Variants in APOL3 observed in about 807,000 individuals in gnomAD.
APOL3 encodes the protein TNF-inducible protein CG12-1.
APOL3 carries 14 observed loss-of-function variants against 11.6 expected under a neutral mutation model. The ratio of observed to expected loss-of-function variants is 1.21; its 90% confidence interval spans 0.80 to 1.89. The LOEUF (loss-of-function observed/expected upper bound fraction) is 1.89. Ranked by LOEUF, APOL3 falls within the 40% of genes most tolerant of loss-of-function variation. APOL3 has a pLI of 0.00. For synonymous variants in APOL3, 192 were observed against 190.6 expected, an observed-to-expected ratio of 1.01 and a Z score of -0.06; for missense variants, 483 against 492.1, an observed-to-expected ratio of 0.98 and a Z score of 0.17.
intron 2 of APOL3, among the ~76,000 whole-genome samples, chr22:36,142,613 T>G (rs1051977508): frequency 2.0e-5 from 3 of 152,142 alleles, no homozygotes; most frequent in Non-Finnish European, 2.9e-5. Flanking sequence ...GGTGATGGGT[T>G]TTGGGGCTAT....
chr22:36,145,641 T>C, intron 1 of APOL3, 42 bp from the exon 3 acceptor site: 1 of 1,608,302 alleles, frequency 6.2e-7, no homozygotes, highest in Non-Finnish European at 8.5e-7. Context: ...GAAAGTGTGC[T>C]ACAGCCTAAA....
intron 1 of APOL3, among the ~76,000 whole-genome samples, chr22:36,158,939 G>A (rs914441511): frequency 6.6e-6 from 1 of 151,732 alleles, no homozygotes; most frequent in African/African-American, 2.4e-5. Context: ...TCCATGAAGT[G>A]AAATCTGAAT....
intron 1 of APOL3, among the ~76,000 whole-genome samples, chr22:36,155,251 C>T (rs553463610): frequency 8.5e-5 from 13 of 152,320 alleles, no homozygotes; most frequent in East Asian, 3.9e-4. Flanking sequence ...ACTGTGGCTT[C>T]GGCTGCATCT....
At chr22:36,141,090 C>G in exon 3 of APOL3, 1 of 1,491,216 alleles carries the variant, frequency 6.7e-7, no homozygotes, top group Non-Finnish European at 9.0e-7. Context: ...GTCACTAACA[C>G]TCAGCTCCAT....
At chr22:36,155,757 C>A in intron 1 of APOL3, 1 of 158,750 alleles carries the variant, frequency 6.3e-6, no homozygotes, top group South Asian at 1.8e-4. Context: ...CACCCAGGGT[C>A]TCGTCCTCCT....
exon 3 of APOL3, chr22:36,141,494 G>C: frequency 6.2e-7 from 1 of 1,614,144 alleles, no homozygotes; most frequent in Non-Finnish European, 8.5e-7. Context: ...CAGGGAGTCG[G>C]GCCCTGGCTC....
chr22:36,149,605 G>T (rs2060355295), intron 1 of APOL3, among the ~76,000 whole-genome samples: 1 of 152,160 alleles, frequency 6.6e-6, no homozygotes, highest in Non-Finnish European at 1.5e-5. Flanking sequence ...CCAGGAGATG[G>T]GTGCAACCGT....
upstream of APOL3, chr22:36,164,859 G>C (rs950197437): frequency 6.6e-6 from 1 of 152,092 alleles, no homozygotes; most frequent in East Asian, 1.9e-4. Context: ...CTTTCATTCT[G>C]TCAAGTACTG....
intron 1 of APOL3, among the ~76,000 whole-genome samples, 177 bp from the exon 3 acceptor site, chr22:36,145,776 C>A (rs1430531745): frequency 1.3e-5 from 2 of 151,984 alleles, no homozygotes; most frequent in East Asian, 3.9e-4. Flanking sequence ...ATACTGAGAC[C>A]CTAAACCCCA....
intron 2 of APOL3, among the ~76,000 whole-genome samples, chr22:36,142,419 G>A (rs568409819): frequency 3.0e-4 from 45 of 152,164 alleles, no homozygotes; most frequent in Middle Eastern, 6.8e-3. Flanking sequence ...AAGTGGGTTC[G>A]GAGCAAAAAG....
chr22:36,160,353 C>T (rs954310622), intron 1 of APOL3, among the ~76,000 whole-genome samples: 1 of 152,220 alleles, frequency 6.6e-6, no homozygotes, highest in African/African-American at 2.4e-5. Context: ...AATGGACAGT[C>T]CCAACATCTG....
exon 3 of APOL3, chr22:36,141,110 C>A: frequency 6.5e-7 from 1 of 1,528,538 alleles, no homozygotes; most frequent in East Asian, 2.3e-5. Flanking sequence ...TAAACTTTAC[C>A]TTGCCCTCTT....
chr22:36,151,987 AGT>A lies in APOL3; in HGVS notation c.224-6390_224-6389del, dbSNP rs71322993. On this transcript the variant is annotated intron_variant, in intron 1 of 2. Transcript: ENST00000349314. ...GGAGGCTGAGAGGAGGAAGAATGTG[AGT>A]GTGTGTGTGTGTGTGCACGCACACT... Among the ~76,000 whole-genome samples, 16 of 151,116 alleles carry A rather than the reference AGT, an allele frequency of 1.1e-4. No individual in the cohort carries two copies. The South Asian group carries it at 1.7e-3, about 16-fold the overall frequency.
chr22:36,158,441 G>A (rs1057422300), intron 1 of APOL3, among the ~76,000 whole-genome samples: 2 of 152,166 alleles, frequency 1.3e-5, no homozygotes, highest in Non-Finnish European at 2.9e-5. Context: ...GTGCCATGCA[G>A]CGTTGTTTCT....
intron 1 of APOL3, among the ~76,000 whole-genome samples, chr22:36,147,406 G>A (rs557192345): frequency 1.7e-4 from 26 of 152,246 alleles, no homozygotes; most frequent in Non-Finnish European, 3.1e-4. Flanking sequence ...CCAGCTGGCC[G>A]CGTTATTAAA....
At chr22:36,158,982 T>C (rs1384667835) in intron 1 of APOL3, among the ~76,000 whole-genome samples, 1 of 152,068 alleles carries the variant, frequency 6.6e-6, no homozygotes, top group East Asian at 1.9e-4. Context: ...TGTGTGTGTG[T>C]GTGTGTGTGA....
chr22:36,160,950 C>T (rs867671236), upstream of APOL3: 41 of 1,539,600 alleles, frequency 2.7e-5, no homozygotes, highest in African/African-American at 3.9e-4. Flanking sequence ...CAGCCCCAGA[C>T]GTCCTTCTTG....
exon 3 of APOL3, chr22:36,141,420 G>A (rs751293735): frequency 1.2e-6 from 2 of 1,614,110 alleles, no homozygotes; most frequent in Non-Finnish European, 1.7e-6. Flanking sequence ...CACTGCCCGG[G>A]TGGTGCCTGC....
chr22:36,152,296 C>T (rs181400985), intron 1 of APOL3, among the ~76,000 whole-genome samples: 10 of 152,262 alleles, frequency 6.6e-5, no homozygotes, highest in Admixed American at 3.9e-4. Flanking sequence ...AAACTAAAGC[C>T]GTGCAGCAAA....
Sources: gnomAD v4.1 joint callset for allele counts (sites outside exome capture counted in the v4.1 genomes callset) on GRCh38, gnomAD v4.1.1 for gene constraint, MANE v1.5 for transcripts, NCBI Gene and HGNC (gene_info 2026-07-23, HGNC 2026-07-21) for gene names.